PRKAR1A: variants seen among roughly 807,000 people sequenced by gnomAD.
PRKAR1A encodes protein kinase cAMP-dependent type I regulatory subunit alpha.
Under a neutral mutation model 52.0 loss-of-function variants are expected in PRKAR1A, and 3 were observed. The observed-to-expected ratio is 0.06, with a 90% CI of 0.03 to 0.15. The LOEUF is 0.15. Among genes scored for constraint, PRKAR1A ranks in the 10% least tolerant of loss-of-function variants. The pLI, the probability that PRKAR1A is intolerant of heterozygous loss-of-function variation, is 1.00. For synonymous variants in PRKAR1A, 188 were observed against 168.4 expected (o/e 1.12, Z -0.90); for missense variants, 240 against 477.4 (o/e 0.50, Z 4.63).
chr17:68,520,970 C>T (rs946301942), intron 2 of PRKAR1A, among the ~76,000 whole-genome samples: 3 of 152,226 alleles, frequency 2.0e-5, no homozygotes, highest in African/African-American at 7.2e-5. Context: ...TTGAGACAGT[C>T]TTGCTCTGTC....
At chr17:68,527,223 T>C (rs984233817) in intron 7 of PRKAR1A, among the ~76,000 whole-genome samples, 1 of 152,208 alleles carries the variant, frequency 6.6e-6, no homozygotes, top group African/African-American at 2.4e-5. Context: ...TTAGGAACTG[T>C]AGATATGGGG....
At chr17:68,537,020 A>G (rs1433155774), downstream of PRKAR1A, 3 of 455,338 alleles carry the variant, frequency 6.6e-6, no homozygotes, top group African/African-American at 2.0e-5. This position sits in a 1 kb window ranked among gnomAD's most constrained non-coding sequence, Gnocchi z 4.2. Flanking sequence ...GCGCTGGCCC[A>G]AAGTGCAGAT....
intron 10 of PRKAR1A, 85 bp downstream of exon 10, chr17:68,530,086 T>G (rs764599901): frequency 2.0e-6 from 3 of 1,528,364 alleles, no homozygotes; most frequent in East Asian, 4.5e-5. Flanking sequence ...TAATTTTGTC[T>G]TCTCCTGAAT....
At chr17:68,534,720 T>C (rs1021493495), downstream of PRKAR1A, among the ~76,000 whole-genome samples, 10 of 152,332 alleles carry the variant, frequency 6.6e-5, no homozygotes, top group East Asian at 3.9e-4. Context: ...GATGTTTCTT[T>C]TAGGTCTGGG....
At chr17:68,431,207 G>A in the PRKAR1A span, among the ~76,000 whole-genome samples, 1 of 152,218 alleles carries the variant, frequency 6.6e-6, no homozygotes, top group Non-Finnish European at 1.5e-5. Context: ...GTGCTGCACA[G>A]ATGGTCCAGG....
the PRKAR1A span, among the ~76,000 whole-genome samples, chr17:68,474,532 C>A: frequency 2.0e-5 from 3 of 152,080 alleles, no homozygotes; most frequent in Non-Finnish European, 4.4e-5. Flanking sequence ...GGGCTGATCC[C>A]GTGACGAGTG....
chr17:68,460,063 C>T, the PRKAR1A span, among the ~76,000 whole-genome samples: 25 of 152,220 alleles, frequency 1.6e-4, no homozygotes, highest in Non-Finnish European at 3.4e-4. Flanking sequence ...TCATGATCCA[C>T]CTGCCTCAGC....
intron 11 of PRKAR1A, chr17:68,539,310 C>T (rs533347978): frequency 1.4e-5 from 23 of 1,613,058 alleles, no homozygotes; most frequent in South Asian, 5.5e-5. Context: ...GTTACTTGCC[C>T]GTATTATCTG....
Position 68,532,509 on chromosome 17 carries a change from CTAAGTA to C in PRKAR1A, c.*2063_*2068del. On this transcript the variant is annotated 3_prime_UTR_variant, in exon 11 of 11. Transcript: ENST00000589228. ...ATCTAAAGCTTTATCTTTGTGTAAT[CTAAGTA>C]TATGTGAGAAATCAGAATTGGCATA... 8 of 1,062,544 alleles carry C rather than the reference CTAAGTA, an allele frequency of 7.5e-6. No individual in the cohort carries two copies. The highest frequency in any genetic ancestry group is 8.0e-6 in the Non-Finnish European group (7 of 876,516). The allele number at this position is 1,062,544 out of a possible 1,614,324, so 65.8% of individuals were successfully genotyped here.
At chr17:68,458,268 A>G in the PRKAR1A span, among the ~76,000 whole-genome samples, 1 of 152,228 alleles carries the variant, frequency 6.6e-6, no homozygotes, top group Non-Finnish European at 1.5e-5. Flanking sequence ...TGCTCAATAT[A>G]CAGAAGAGGC....
At chr17:68,430,404 A>G in the PRKAR1A span, among the ~76,000 whole-genome samples, 735 of 152,326 alleles carry the variant, frequency 4.8e-3, 8 homozygotes, top group African/African-American at 0.017. Context: ...TCCCAATGCT[A>G]CTGCTTTCCC....
chr17:68,521,607 G>A (rs1007780517), intron 2 of PRKAR1A, among the ~76,000 whole-genome samples: 11 of 152,274 alleles, frequency 7.2e-5, no homozygotes, highest in African/African-American at 1.9e-4. Context: ...AAACCTTACT[G>A]GTTATTGGAA....
chr17:68,457,538 TCCCCACCCCGCC>T, the PRKAR1A span: 3 of 216,258 alleles, frequency 1.4e-5, no homozygotes, highest in Non-Finnish European at 2.1e-5. Context: ...CCCCGCCCCG[TCCCCACCCCGCC>T]CCTACCCCGC....
At chr17:68,432,159 G>A in the PRKAR1A span, among the ~76,000 whole-genome samples, 1 of 152,302 alleles carries the variant, frequency 6.6e-6, no homozygotes, top group African/African-American at 2.4e-5. Context: ...GGAAAGTTCT[G>A]GAAAGATGAA....
chr17:68,522,283 C>G (rs370111732), intron 2 of PRKAR1A, among the ~76,000 whole-genome samples: 1 of 152,174 alleles, frequency 6.6e-6, no homozygotes, highest in Admixed American at 6.5e-5. Context: ...TGAAATAACT[C>G]AGTAATCTAG....
chr17:68,433,028 G>A, the PRKAR1A span, among the ~76,000 whole-genome samples: 10 of 152,274 alleles, frequency 6.6e-5, no homozygotes, highest in Middle Eastern at 3.4e-3. Context: ...CTTCCCAAGC[G>A]CTCAGTGGTG....
At chr17:68,537,029 A>T (rs754267824), downstream of PRKAR1A, 1 of 455,786 alleles carries the variant, frequency 2.2e-6, no homozygotes, top group Non-Finnish European at 4.4e-6. This position sits in a 1 kb window ranked among gnomAD's most constrained non-coding sequence, Gnocchi z 4.2. Flanking sequence ...CAAAGTGCAG[A>T]TTTTTAGTCA....
the PRKAR1A span, among the ~76,000 whole-genome samples, chr17:68,502,084 G>A: frequency 7.2e-5 from 11 of 152,144 alleles, no homozygotes; most frequent in African/African-American, 2.7e-4. Flanking sequence ...TTGGATCATT[G>A]CAACAGACTC....
chr17:68,542,013 G>A (rs772865602), intron 11 of PRKAR1A: 38 of 1,613,936 alleles, frequency 2.4e-5, no homozygotes, highest in South Asian at 4.4e-5. Context: ...GTGTAGGAGC[G>A]GATCCAGGGG....
Sources: allele counts gnomAD v4.1 joint callset (sites outside exome capture counted in the v4.1 genomes callset), GRCh38; gene constraint gnomAD v4.1.1; non-coding constraint Gnocchi (gnomAD v3.1); transcripts MANE v1.5; gene names NCBI Gene and HGNC (gene_info 2026-07-23, HGNC 2026-07-21).